Variants in CMTM8 observed in about 807,000 individuals in gnomAD.
CMTM8 encodes CKLF like MARVEL transmembrane domain containing 8, also known as CKLF-like MARVEL transmembrane domain-containing protein 8.
A neutral mutation model predicts 18.6 loss-of-function variants in CMTM8; 12 were observed. That is an observed-to-expected ratio of 0.65 (90% CI 0.41 to 1.05). The LOEUF (loss-of-function observed/expected upper bound fraction) is 1.05, where lower values mean the gene tolerates loss of function less well. CMTM8 is among the 50% of genes least tolerant of loss of function. CMTM8 has a pLI of 0.00. For missense variants in CMTM8, 217 were observed against 227.2 expected (o/e 0.95, Z 0.29); for synonymous variants, 87 against 90.6 (o/e 0.96, Z 0.23).
rs528058614 is a variant in CMTM8, at chr3:32,293,305, C to G, written c.147+54186C>G. ...GTGGCTCATGCCTGTAATCCCCACA[C>G]TTGGGGAGGCTGAGGTGGGCAGATC... On this transcript the variant is annotated intron_variant, in intron 1 of 3. Coordinates refer to ENST00000307526, the MANE Select transcript of CMTM8 (RefSeq NM_178868.5). Among the ~76,000 whole-genome samples, 69 of 152,220 alleles carry G rather than the reference C, an allele frequency of 4.5e-4. 1 individual carries two copies. The highest frequency in any genetic ancestry group is 1.6e-3 in the African/African-American group (67 of 41,528).
intron 1 of CMTM8, among the ~76,000 whole-genome samples, chr3:32,272,786 G>A (rs1288837939): frequency 6.6e-6 from 1 of 152,098 alleles, no homozygotes; most frequent in African/African-American, 2.4e-5. Context: ...GCTCCCTCTG[G>A]ACACTGAGTT....
chr3:32,355,211 GTC>G (rs1390148366), intron 1 of CMTM8, among the ~76,000 whole-genome samples: 3 of 152,210 alleles, frequency 2.0e-5, no homozygotes, highest in Non-Finnish European at 4.4e-5. Context: ...AGGGCCTGAA[GTC>G]TCTCTTCAAC....
intron 1 of CMTM8, among the ~76,000 whole-genome samples, chr3:32,323,720 C>G (rs1696103989): frequency 6.6e-6 from 1 of 152,194 alleles, no homozygotes; most frequent in Non-Finnish European, 1.5e-5. Flanking sequence ...GGCCAAAGAT[C>G]TTATAAATGA....
At chr3:32,307,831 T>G (rs1020316043) in intron 1 of CMTM8, among the ~76,000 whole-genome samples, 1 of 152,082 alleles carries the variant, frequency 6.6e-6, no homozygotes, top group Non-Finnish European at 1.5e-5. Context: ...AGCTTCCAGG[T>G]GACGTTGATG....
chr3:32,268,750 C>G (rs1489608310), intron 1 of CMTM8, among the ~76,000 whole-genome samples: 2 of 152,136 alleles, frequency 1.3e-5, no homozygotes, highest in Non-Finnish European at 2.9e-5. Flanking sequence ...TTCCTATAGA[C>G]TTTATTGAAA....
rs1247729290 is a variant in CMTM8 at position 32,315,029 on chromosome 3, C to A, written c.148-42344C>A. ...GTTCATACTTCCTGACTTTTGAGTG[C>A]CCCAGTGAGCCTTTGGTCATTGGTT... On this transcript the variant is annotated intron_variant, in intron 1 of 3. Transcript: ENST00000307526. Among the ~76,000 whole-genome samples the A allele has an allele frequency of 2.0e-5, 3 of 152,068 alleles. No individual in the cohort carries two copies. In the East Asian group the frequency reaches 5.8e-4, roughly 29 times the overall value.
chr3:32,285,460 C>T (rs1448945243), intron 1 of CMTM8, among the ~76,000 whole-genome samples: 1 of 151,114 alleles, frequency 6.6e-6, no homozygotes, highest in Non-Finnish European at 1.5e-5. Context: ...TTGTGGTGAG[C>T]CAAGATGACG....
intron 1 of CMTM8, among the ~76,000 whole-genome samples, chr3:32,299,001 C>T (rs1301381080): frequency 2.0e-5 from 3 of 146,938 alleles, no homozygotes; most frequent in African/African-American, 5.0e-5. Flanking sequence ...TTGCCCAAGC[C>T]GCTCTTGGAC....
chr3:32,319,074 A>ATATATATATATATATATTT, intron 1 of CMTM8, among the ~76,000 whole-genome samples: 7 of 31,530 alleles, frequency 2.2e-4, no homozygotes, highest in Non-Finnish European at 2.5e-4. Context: ...ATATATATAT[A>ATATATATATATATATATTT]TTTTTTTTTT....
chr3:32,356,825 T>G (rs1402496762), intron 1 of CMTM8, among the ~76,000 whole-genome samples: 1 of 152,242 alleles, frequency 6.6e-6, no homozygotes, highest in Non-Finnish European at 1.5e-5. Flanking sequence ...AAACCCCTGA[T>G]TAGTACTAAT....
At chr3:32,334,520 G>A (rs1287567593) in intron 1 of CMTM8, among the ~76,000 whole-genome samples, 1 of 151,616 alleles carries the variant, frequency 6.6e-6, no homozygotes, top group Non-Finnish European at 1.5e-5. Context: ...GCAAGAGAAT[G>A]GTGTGAACCC....
chr3:32,353,798 T>TC (rs1696759352), intron 1 of CMTM8, among the ~76,000 whole-genome samples: 1 of 151,342 alleles, frequency 6.6e-6, no homozygotes, highest in Non-Finnish European at 1.5e-5. Flanking sequence ...TTTTTTTTTT[T>TC]TTTTGAGACG....
At chr3:32,355,689 C>T (rs992089169) in intron 1 of CMTM8, among the ~76,000 whole-genome samples, 2 of 152,158 alleles carry the variant, frequency 1.3e-5, no homozygotes, top group African/African-American at 4.8e-5. Flanking sequence ...CACTGCCCTT[C>T]GGATAAAGCA....
At chr3:32,331,552 A>C (rs77889168) in intron 1 of CMTM8, among the ~76,000 whole-genome samples, 5 of 72,624 alleles carry the variant, frequency 6.9e-5, no homozygotes, top group Non-Finnish European at 1.0e-4. Flanking sequence ...TAAACCATAC[A>C]AAAAAAAAAA....
chr3:32,361,222 C>T lies in CMTM8; in HGVS notation c.321+3676C>T, dbSNP rs570249058. Among the ~76,000 whole-genome samples, 89 of 150,088 alleles carry T rather than the reference C, an allele frequency of 5.9e-4. No individual in the cohort carries two copies. The South Asian group carries it at 0.018, about 30-fold the overall frequency. ...TCTCAAACTCCCCAACTCAGGTGAT[C>T]CACCCGCCTCGGTCTCCCAAAGTAC... On this transcript the variant is annotated intron_variant, in intron 2 of 3. Coordinates refer to ENST00000307526, the MANE Select transcript of CMTM8 (RefSeq NM_178868.5).
chr3:32,261,792 A>G (rs1702263000), intron 1 of CMTM8, among the ~76,000 whole-genome samples: 1 of 152,208 alleles, frequency 6.6e-6, no homozygotes, highest in African/African-American at 2.4e-5. Flanking sequence ...GTTCAGTGTG[A>G]AACAAATGCC....
chr3:32,246,968 G>T (rs1185680473), intron 1 of CMTM8, among the ~76,000 whole-genome samples: 1 of 152,102 alleles, frequency 6.6e-6, no homozygotes, highest in Non-Finnish European at 1.5e-5. Flanking sequence ...GGGCGTAGTG[G>T]CAGGCACCTG....
intron 1 of CMTM8, among the ~76,000 whole-genome samples, chr3:32,272,692 A>T (rs1702456375): frequency 6.6e-6 from 1 of 152,152 alleles, no homozygotes; most frequent in Non-Finnish European, 1.5e-5. Flanking sequence ...CCCAAATGAG[A>T]GAATATGTGG....
chr3:32,253,876 C>A, intron 1 of CMTM8, among the ~76,000 whole-genome samples: 1 of 152,034 alleles, frequency 6.6e-6, no homozygotes, highest in East Asian at 1.9e-4. Context: ...ATGTGCCCAG[C>A]TTGTCCCTTT....
Sources: allele counts gnomAD v4.1 joint callset (sites outside exome capture counted in the v4.1 genomes callset), GRCh38; gene constraint gnomAD v4.1.1; transcripts MANE v1.5; gene names NCBI Gene and HGNC (gene_info 2026-07-23, HGNC 2026-07-21).